C12orf43: variants seen among roughly 807,000 people sequenced by gnomAD.
C12orf43 encodes the protein protein CUSTOS.
A neutral mutation model predicts 20.6 loss-of-function variants in C12orf43; 15 were observed. The ratio of observed to expected loss-of-function variants is 0.73; its 90% CI spans 0.49 to 1.12. The LOEUF (loss-of-function observed/expected upper bound fraction) is 1.12. Ranked by LOEUF, C12orf43 falls within the 50% of genes most tolerant of loss-of-function variation. C12orf43 has a pLI of 0.00. For missense variants in C12orf43, 334 were observed against 344.4 expected (o/e 0.97, Z 0.24); for synonymous variants, 144 against 130.8 (o/e 1.10, Z -0.69).
rs368887295 is a variant in C12orf43, at chr12:121,004,953, C to T, written c.452+50G>A. The T allele has an allele frequency of 2.1e-5, 28 of 1,361,710 alleles. No homozygotes were observed. The South Asian group carries it at 4.2e-4, about 21-fold the overall frequency. 84.4% of individuals were successfully genotyped at this position (1,361,710 alleles called of 1,614,324 possible). On this transcript the variant is annotated intron_variant, in intron 5 of 5. Coordinates refer to ENST00000288757, the MANE Select transcript of C12orf43 (RefSeq NM_022895.3). The surrounding 1 kb of genome is among the most constrained non-coding windows in gnomAD (Gnocchi z 5.6). ...GGCTATTCCAGGGAACCCACCAAGA[C>T]AGAAGAGGAGAAAAAAGGAGGGGAC...
chr12:121,012,695 T>C, intron 1 of C12orf43: 1 of 416,952 alleles, frequency 2.4e-6, no homozygotes, highest in South Asian at 2.2e-5. Context: ...TACTAAAAAA[T>C]ACAAAAATTA....
At position 121,006,358 on chromosome 12, in the gene C12orf43, T is replaced by C; in HGVS notation, c.324A>G (p.Ala108=). Residue 108 remains alanine (A), a synonymous_variant, in exon 4 of 6, where the codon GCA becomes GCG. Coordinates refer to ENST00000288757, the MANE Select transcript of C12orf43 (RefSeq NM_022895.3). The part of the protein sequence containing the change: ...ITISEAAKEP[A]KAKVQKVALE... ...AAGCGACTTTCTGTACCTTAGCTTT[T>C]GCTGGCTCCTTTGCTGCTTCTGAGA... The C allele has an allele frequency of 1.9e-6, 3 of 1,614,208 alleles. No homozygotes were observed. The highest frequency in any genetic ancestry group is 2.5e-6 in the Non-Finnish European group (3 of 1,180,004).
chr12:121,010,881 G>T lies in C12orf43; in HGVS notation c.234C>A (p.Thr78=). 3 of 1,614,096 alleles carry T rather than the reference G, an allele frequency of 1.9e-6. No individual in the cohort carries two copies. Among genetic ancestry groups the T allele is most frequent in the Non-Finnish European group, 2.5e-6 (3 of 1,179,998 alleles). The part of the protein sequence containing the change: ...EHEQDGNELQ[T]TPEFRAHVAK... Reference sequence around the variant, plus strand: ...CTACGTGGGCTCGGAATTCAGGGGTGGTCTGAAGCTCGTTGCCATCTTGTT... The same window carrying T: ...CTACGTGGGCTCGGAATTCAGGGGTTGTCTGAAGCTCGTTGCCATCTTGTT... The change falls in exon 3 of 6, where the codon ACC becomes ACA. Residue 78 remains threonine (T), a synonymous_variant. Transcript: ENST00000288757.
chr12:121,012,645 G>A (rs1282019354), intron 1 of C12orf43: 4 of 535,348 alleles, frequency 7.5e-6, no homozygotes, highest in Non-Finnish European at 1.4e-5. Flanking sequence ...GAGGTCAAGA[G>A]ATCGAGACCA....
rs78184916 is a variant in C12orf43 at position 121,001,232 on chromosome 12, G to C, written c.*2921C>G. The stretch of plus-strand genomic sequence containing the variant: ...CCCTGGGGCCTGTACTGCCTGCTTG[G>C]GGGGTGATGAGGGCAGCAGCCAGCC... On this transcript the variant is annotated 3_prime_UTR_variant, in exon 6 of 6. Coordinates refer to ENST00000288757, the MANE Select transcript of C12orf43 (RefSeq NM_022895.3). 1.4e-5 allele frequency: 23 copies of C among 1,611,252 alleles called. No homozygotes were observed. The highest frequency in any genetic ancestry group is 8.4e-5 in the Admixed American group (5 of 59,806).
Position 121,001,470 on chromosome 12 carries a change from A to G in C12orf43, c.*2683T>C, listed in dbSNP as rs1877478615. ...GGAGGGACTGTCGCTGCTTCGTGGG[A>G]TACAGTCTTCTTACTTGGAACTGAA... On this transcript the variant is annotated 3_prime_UTR_variant, in exon 6 of 6. Transcript: ENST00000288757. 1 of 498,982 alleles carries G rather than the reference A, an allele frequency of 2.0e-6. No homozygotes were observed. The highest frequency in any genetic ancestry group is 3.7e-6 in the Non-Finnish European group (1 of 271,202). The allele number at this position is 498,982 out of a possible 1,614,324, so 30.9% of individuals were successfully genotyped here.
chr12:121,016,265 T>C (rs1166708471), intron 1 of C12orf43, 65 bp downstream of exon 1: 3 of 1,607,086 alleles, frequency 1.9e-6, no homozygotes, highest in South Asian at 2.2e-5. Flanking sequence ...TCACCATCCA[T>C]CCTCTCAGGC....
chr12:121,012,460 G>A (rs1322736253), intron 1 of C12orf43: 13 of 702,542 alleles, frequency 1.9e-5, no homozygotes, highest in Non-Finnish European at 3.1e-5. Flanking sequence ...TTTGGCTGCT[G>A]TGCAGCGTGA....
intron 1 of C12orf43, among the ~76,000 whole-genome samples, chr12:121,014,813 T>C (rs1352545876): frequency 6.6e-6 from 1 of 151,734 alleles, no homozygotes; most frequent in African/African-American, 2.4e-5. Flanking sequence ...ACCCCATCTC[T>C]ACAAAAAATA....
rs1219295936 is a variant in C12orf43 at position 121,001,046 on chromosome 12, G to C, written c.*3107C>G. On this transcript the variant is annotated 3_prime_UTR_variant, in exon 6 of 6. Transcript: ENST00000288757. ...GTGGGTGCCTGGTGGGTGGCTAGCA[G>C]CCTTGTTTGCCTCTGCAGTGTCCTC... is the stretch of plus-strand genomic sequence containing the variant. 6.2e-7 allele frequency: 1 copy of C among 1,612,372 alleles called. No individual in the cohort carries two copies. The highest frequency in any genetic ancestry group is 8.5e-7 in the Non-Finnish European group (1 of 1,179,766).
rs767812579 is a variant in C12orf43 at position 121,006,364 on chromosome 12, C to A, written c.318G>T (p.Glu106Asp). 1.9e-6 allele frequency: 3 copies of A among 1,614,202 alleles called. No individual in the cohort carries two copies. Among genetic ancestry groups the A allele is most frequent in the Non-Finnish European group, 8.5e-7 (1 of 1,179,988 alleles). ...CTTTCTGTACCTTAGCTTTTGCTGG[C>A]TCCTTTGCTGCTTCTGAGATGGTAA... ...SFITISEAAK[E>D]PAKAKVQKVA... Residue 106 changes from glutamate (E) to aspartate (D), a missense_variant, in exon 4 of 6, where the codon GAG (glutamate) becomes GAT (aspartate). By Grantham distance (45) the Glu-to-Asp change is conservative. Transcript: ENST00000288757.
At position 121,004,189 on chromosome 12, in the gene C12orf43, T is replaced by G. The variant is rs1565892304; in HGVS notation, c.753A>C (p.Pro251=). Residue 251 remains proline, a synonymous_variant, in exon 6 of 6, where the codon CCA becomes CCC. Transcript: ENST00000288757. The surrounding 1 kb of genome is among the most constrained non-coding windows in gnomAD (Gnocchi z 5.6). ...AKKASETSPF[P]PAKSATAIPA... is the part of the protein sequence containing the mutation. The stretch of plus-strand genomic sequence containing the variant: ...GTATAGCTGTAGCACTCTTTGCTGG[T>G]GGGAATGGAGAGGTCTCGCTGGCCT... The G allele has an allele frequency of 1.9e-6, 3 of 1,614,090 alleles. No homozygotes were observed. The highest frequency in any genetic ancestry group is 1.1e-5 in the South Asian group (1 of 91,088).
chr12:121,012,208 G>T (rs761189854), intron 1 of C12orf43, among the ~76,000 whole-genome samples: 20 of 152,176 alleles, frequency 1.3e-4, no homozygotes, highest in Non-Finnish European at 2.6e-4. Flanking sequence ...TCCAGGCAGA[G>T]GGAAAGCATC....
Position 121,004,890 on chromosome 12 carries a change from G to A in C12orf43, c.452+113C>T. The A allele has an allele frequency of 1.4e-6, 1 of 714,562 alleles. No homozygotes were observed. The highest frequency in any genetic ancestry group is 2.1e-6 in the Non-Finnish European group (1 of 473,700). 44.3% of individuals were successfully genotyped at this position (714,562 alleles called of 1,614,324 possible). ...CATGATTTCTCCAGCTGCCTGACAG[G>A]GCCACTGCCTTGGCCTGGTCCTGAC... On this transcript the variant is annotated intron_variant, in intron 5 of 5. Coordinates refer to ENST00000288757, the MANE Select transcript of C12orf43 (RefSeq NM_022895.3). The surrounding 1 kb of genome is among the most constrained non-coding windows in gnomAD (Gnocchi z 5.6).
Position 121,002,646 on chromosome 12 carries a change from C to G in C12orf43, c.*1507G>C, listed in dbSNP as rs2135858379. On this transcript the variant is annotated 3_prime_UTR_variant, in exon 6 of 6. Coordinates refer to ENST00000288757, the MANE Select transcript of C12orf43 (RefSeq NM_022895.3). Reference sequence around the variant, plus strand: ...ACACCCCACATCTCTGCTTTTCTTGCTCTGCTGAGACTCTAATGACAAAGC... The same window carrying G: ...ACACCCCACATCTCTGCTTTTCTTGGTCTGCTGAGACTCTAATGACAAAGC... The G allele has an allele frequency of 2.8e-6, 1 of 359,208 alleles. No homozygotes were observed. The highest frequency in any genetic ancestry group is 5.5e-6 in the Non-Finnish European group (1 of 183,258). The allele number at this position is 359,208 out of a possible 1,614,324, so 22.3% of individuals were successfully genotyped here. A position where few individuals can be genotyped will look rare whatever the true frequency, so the allele number is the denominator to read the frequency against.
Position 121,004,489 on chromosome 12 carries a change from A to G in C12orf43, c.453T>C (p.Ser151=). Reference sequence around the variant, plus strand: ...GCCGCCACTCCTCGTCACTGTCCTCACTGCTGCAACGAGAGGGTACCCTGG... The same window carrying G: ...GCCGCCACTCCTCGTCACTGTCCTCGCTGCTGCAACGAGAGGGTACCCTGG... The part of the protein sequence containing the change: ...PRRKRQPSSS[S]EDSDEEWRRC... The change falls in exon 6 of 6, where the codon AGT becomes AGC. Residue 151 remains serine (S), a splice_region_variant and synonymous_variant. Transcript: ENST00000288757. This position sits in a 1 kb window ranked among gnomAD's most constrained non-coding sequence, Gnocchi z 5.6. 6.3e-7 allele frequency: 1 copy of G among 1,592,914 alleles called. No homozygotes were observed. Among genetic ancestry groups the G allele is most frequent in the Non-Finnish European group, 8.5e-7 (1 of 1,170,538 alleles).
In C12orf43 at chr12:121,005,206, GAAAGA is replaced by G. The variant is rs1037098488; in HGVS notation, c.362-118_362-114del. 30 of 537,072 alleles carry G rather than the reference GAAAGA, an allele frequency of 5.6e-5. No homozygotes were observed. Among genetic ancestry groups the G allele is most frequent in the Middle Eastern group, 5.4e-4 (1 of 1,848 alleles). 33.3% of individuals were successfully genotyped at this position (537,072 alleles called of 1,614,324 possible). A position where few individuals can be genotyped will look rare whatever the true frequency, so the allele number is the denominator to read the frequency against. ...AAAAATTTTAAAAAGGAAAACGAAA[GAAAGA>G]AAAGATAAAGAGAAACAAAAAAAAA... On this transcript the variant is annotated intron_variant, in intron 4 of 5. Coordinates refer to ENST00000288757, the MANE Select transcript of C12orf43 (RefSeq NM_022895.3). This position sits in a 1 kb window ranked among gnomAD's most constrained non-coding sequence, Gnocchi z 5.6.
chr12:121,006,287 T>C (rs752822438), intron 4 of C12orf43, 34 bp downstream of exon 4: 2 of 1,572,230 alleles, frequency 1.3e-6, no homozygotes, highest in Non-Finnish European at 1.7e-6. Flanking sequence ...AGGTGCTTAA[T>C]AAATGATAGC....
rs1449191058 is a variant in C12orf43 at position 121,001,579 on chromosome 12, C to T, written c.*2574G>A. On this transcript the variant is annotated 3_prime_UTR_variant, in exon 6 of 6. Coordinates refer to ENST00000288757, the MANE Select transcript of C12orf43 (RefSeq NM_022895.3). ...CTACACCACTCTGGCAGCCACACTT[C>T]TCAGGACACAGGCCTGTGTAGCTGT... 8 of 441,172 alleles carry T rather than the reference C, an allele frequency of 1.8e-5. No individual in the cohort carries two copies. Among genetic ancestry groups the T allele is most frequent in the Non-Finnish European group, 2.2e-5 (5 of 232,318 alleles). 27.3% of individuals were successfully genotyped at this position (441,172 alleles called of 1,614,324 possible). A position where few individuals can be genotyped will look rare whatever the true frequency, so the allele number is the denominator to read the frequency against.
Sources: gnomAD v4.1 joint callset for allele counts (sites outside exome capture counted in the v4.1 genomes callset) on GRCh38, gnomAD v4.1.1 for gene constraint, Gnocchi (gnomAD v3.1) non-coding constraint, MANE v1.5 for transcripts, NCBI Gene and HGNC (gene_info 2026-07-23, HGNC 2026-07-21) for gene names.